The following PTPRG variants were observed in gnomAD, a reference collection of about 807,000 sequenced individuals.
PTPRG encodes receptor-type tyrosine-protein phosphatase gamma.
In PTPRG, 102 loss-of-function variants were observed where a neutral mutation model predicts 165.3. The ratio of observed to expected loss-of-function variants is 0.62; its 90% confidence interval spans 0.53 to 0.73. The LOEUF is 0.73. Among genes scored for constraint, PTPRG ranks in the 30% least tolerant of loss-of-function variants. The pLI, the probability that PTPRG is intolerant of heterozygous loss-of-function variation, is 0.00. For missense variants in PTPRG, 1,866 were observed against 1,861.4 expected (o/e 1.00, Z -0.05); for synonymous variants, 675 against 669.5 (o/e 1.01, Z -0.13).
At chr3:61,984,355 GATT>G (rs2040707935) in intron 2 of PTPRG, among the ~76,000 whole-genome samples, 1 of 152,056 alleles carries the variant, frequency 6.6e-6, no homozygotes, top group Non-Finnish European at 1.5e-5. Context: ...CCATGAACTT[GATT>G]ATTTTCTTTA....
intron 2 of PTPRG, among the ~76,000 whole-genome samples, chr3:61,882,722 C>T (rs1014956118): frequency 6.6e-6 from 1 of 152,176 alleles, no homozygotes; most frequent in African/African-American, 2.4e-5. Flanking sequence ...GTTCACCTGT[C>T]TGTCTTTCCC....
intron 4 of PTPRG, among the ~76,000 whole-genome samples, chr3:62,064,967 C>A (rs1700961965): frequency 6.6e-6 from 1 of 152,066 alleles, no homozygotes; most frequent in Non-Finnish European, 1.5e-5. Context: ...TTCCTGACCT[C>A]CTGATCCTCC....
intron 1 of PTPRG, among the ~76,000 whole-genome samples, chr3:61,674,755 A>C (rs55838133): frequency 0.027 from 4,041 of 152,152 alleles, 67 homozygotes; most frequent in Non-Finnish European, 0.043. Context: ...TGTCTTTCAA[A>C]CTCTGGGTGG....
Position 62,158,124 on chromosome 3 carries a change from G to A in PTPRG, c.840+900G>A, listed in dbSNP as rs528937858. Reference sequence around the variant, plus strand: ...TGATTTAGGCTGGGCAGTTAACTGTGGGTAGGAACTGATGAACTGGAGATA... The same window carrying A: ...TGATTTAGGCTGGGCAGTTAACTGTAGGTAGGAACTGATGAACTGGAGATA... On this transcript the variant is annotated intron_variant, in intron 7 of 29. Coordinates refer to ENST00000474889, the MANE Select transcript of PTPRG (RefSeq NM_002841.4). Among the ~76,000 whole-genome samples the A allele has an allele frequency of 9.8e-5, 15 of 152,302 alleles. 1 individual carries two copies. The South Asian group carries it at 2.7e-3, about 27-fold the overall frequency.
intron 2 of PTPRG, among the ~76,000 whole-genome samples, chr3:61,887,719 TAAA>T (rs36124010): frequency 3.4e-5 from 5 of 146,468 alleles, no homozygotes; most frequent in African/African-American, 5.0e-5. Flanking sequence ...TTCAGTAAGT[TAAA>T]AAAAAAAAAA....
chr3:62,108,343 C>T (rs781710894), intron 5 of PTPRG, among the ~76,000 whole-genome samples: 2 of 152,140 alleles, frequency 1.3e-5, no homozygotes, highest in East Asian at 3.9e-4. Context: ...TGGTTTCCAG[C>T]TTCATCCATG....
At chr3:62,239,457 G>A (rs1156371224) in intron 14 of PTPRG, among the ~76,000 whole-genome samples, 2 of 149,744 alleles carry the variant, frequency 1.3e-5, no homozygotes, top group Admixed American at 6.7e-5. Context: ...TGCCTCCCAG[G>A]TTCCCAGGTT....
intron 2 of PTPRG, among the ~76,000 whole-genome samples, chr3:61,789,381 T>C (rs940005182): frequency 6.6e-5 from 10 of 152,206 alleles, no homozygotes; most frequent in Admixed American, 4.6e-4. Flanking sequence ...GTGTTAGGAT[T>C]ACAGGCATGA....
At chr3:61,650,933 G>A (rs1702331729) in intron 1 of PTPRG, among the ~76,000 whole-genome samples, 1 of 152,094 alleles carries the variant, frequency 6.6e-6, no homozygotes, top group South Asian at 2.1e-4. Context: ...ATTTACATGT[G>A]AACAATGATT....
chr3:62,018,736 C>G (rs556196815), intron 4 of PTPRG, among the ~76,000 whole-genome samples: 32 of 152,294 alleles, frequency 2.1e-4, no homozygotes, highest in South Asian at 8.3e-4. Context: ...GAGGTCAACT[C>G]TGATAGGACA....
intron 8 of PTPRG, among the ~76,000 whole-genome samples, chr3:62,186,911 G>A (rs1170731677): frequency 6.6e-6 from 1 of 152,202 alleles, no homozygotes; most frequent in African/African-American, 2.4e-5. Flanking sequence ...GCTGGCCAGA[G>A]ATGCGTCCAT....
At chr3:62,065,908 T>C (rs1001754139) in intron 4 of PTPRG, among the ~76,000 whole-genome samples, 3 of 152,306 alleles carry the variant, frequency 2.0e-5, no homozygotes, top group Middle Eastern at 6.8e-3. Context: ...GTGGTTTGGA[T>C]TTATAGAACT....
intron 2 of PTPRG, among the ~76,000 whole-genome samples, chr3:61,817,049 T>TATAA (rs1175600666): frequency 3.9e-5 from 5 of 127,700 alleles, no homozygotes; most frequent in African/African-American, 6.1e-5. Flanking sequence ...ATATATAATA[T>TATAA]TATATATAAT....
intron 5 of PTPRG, among the ~76,000 whole-genome samples, chr3:62,105,027 A>G (rs1702422880): frequency 6.6e-6 from 1 of 151,924 alleles, no homozygotes; most frequent in Admixed American, 6.6e-5. Flanking sequence ...TAAAGAAATC[A>G]TCATTACTTA....
chr3:61,869,892 C>T (rs1352631726), intron 2 of PTPRG, among the ~76,000 whole-genome samples: 2 of 152,150 alleles, frequency 1.3e-5, no homozygotes, highest in Non-Finnish European at 2.9e-5. Flanking sequence ...TGAGCCACTG[C>T]ACCTGGTCCT....
At chr3:62,022,579 C>T (rs2041723071) in intron 4 of PTPRG, among the ~76,000 whole-genome samples, 1 of 152,106 alleles carries the variant, frequency 6.6e-6, no homozygotes, top group South Asian at 2.1e-4. Flanking sequence ...TTGAATAGGG[C>T]CTTCAATTTA....
chr3:62,202,673 G>T (rs1255453009), intron 11 of PTPRG, among the ~76,000 whole-genome samples: 1 of 152,204 alleles, frequency 6.6e-6, no homozygotes, highest in Non-Finnish European at 1.5e-5. Context: ...TTCCCTCCTT[G>T]TCCACCCACT....
intron 4 of PTPRG, among the ~76,000 whole-genome samples, chr3:62,051,713 G>T (rs1700474392): frequency 1.3e-5 from 2 of 152,104 alleles, no homozygotes; most frequent in African/African-American, 2.4e-5. Context: ...AAAGGTTTTA[G>T]AATACTAGTT....
chr3:62,089,134 T>A (rs1575988824), intron 5 of PTPRG, among the ~76,000 whole-genome samples: 1 of 152,346 alleles, frequency 6.6e-6, no homozygotes, highest in Admixed American at 6.5e-5. Context: ...GAACTTTTGT[T>A]CTTTGTCTTT....
Sources: gnomAD v4.1 joint callset for allele counts (sites outside exome capture counted in the v4.1 genomes callset) on GRCh38, gnomAD v4.1.1 for gene constraint, MANE v1.5 for transcripts, NCBI Gene and HGNC (gene_info 2026-07-23, HGNC 2026-07-21) for gene names.